The following CTNNA3 variants were observed in gnomAD, a reference collection of about 807,000 sequenced individuals.
CTNNA3 encodes the protein catenin alpha-3.
Under a neutral mutation model 95.7 loss-of-function variants are expected in CTNNA3, and 76 were observed. The observed-to-expected ratio is 0.79, with a 90% confidence interval of 0.66 to 0.96. The LOEUF (loss-of-function observed/expected upper bound fraction) is 0.96, where lower values mean the gene tolerates loss of function less well. Ranked by LOEUF, CTNNA3 falls within the 40% of genes least tolerant of loss-of-function variation. The probability of loss-of-function intolerance (pLI) is 0.00; values close to 1 mark genes in which losing one functional copy is unlikely to be tolerated. For synonymous variants in CTNNA3, 431 were observed against 374.4 expected (o/e 1.15, Z -1.74); for missense variants, 1,191 against 1,089.8 (o/e 1.09, Z -1.31).
chr10:66,427,916 C>A (rs4746586), intron 11 of CTNNA3, among the ~76,000 whole-genome samples: 1 of 151,686 alleles, frequency 6.6e-6, no homozygotes, highest in Non-Finnish European at 1.5e-5. Flanking sequence ...TAACCTTAAA[C>A]GTAAATGGAC....
At chr10:66,323,944 T>C (rs1418785947) in intron 12 of CTNNA3, among the ~76,000 whole-genome samples, 1 of 151,900 alleles carries the variant, frequency 6.6e-6, no homozygotes, top group Non-Finnish European at 1.5e-5. Context: ...GAGAGGAGTT[T>C]AGTGGCTGAA....
At chr10:66,262,362 G>C (rs1442262121) in intron 13 of CTNNA3, among the ~76,000 whole-genome samples, 2 of 151,752 alleles carry the variant, frequency 1.3e-5, no homozygotes, top group Non-Finnish European at 2.9e-5. Context: ...ATAACTATTT[G>C]TTTTCATTTT....
intron 5 of CTNNA3, among the ~76,000 whole-genome samples, chr10:67,474,813 T>G (rs151233732): frequency 6.6e-6 from 1 of 152,214 alleles, no homozygotes; most frequent in African/African-American, 2.4e-5. Context: ...GAAACTCTTA[T>G]TCATTGCTGC....
intron 5 of CTNNA3, among the ~76,000 whole-genome samples, chr10:67,419,620 A>C (rs571316788): frequency 1.2e-4 from 19 of 152,306 alleles, no homozygotes; most frequent in African/African-American, 3.8e-4. Context: ...GCGCTTTCTC[A>C]TATCTCTGAA....
chr10:66,013,502 G>A (rs1643219924), intron 15 of CTNNA3, among the ~76,000 whole-genome samples: 1 of 152,146 alleles, frequency 6.6e-6, no homozygotes, highest in African/African-American at 2.4e-5. Flanking sequence ...AATAACATGT[G>A]TATATTTTGT....
intron 13 of CTNNA3, among the ~76,000 whole-genome samples, chr10:66,253,089 A>G (rs981236920): frequency 6.6e-6 from 1 of 152,220 alleles, no homozygotes; most frequent in Admixed American, 6.5e-5. Flanking sequence ...CTAAAGAGCA[A>G]CATGTCTTCT....
intron 9 of CTNNA3, among the ~76,000 whole-genome samples, chr10:66,765,931 T>C (rs1258850681): frequency 6.6e-6 from 1 of 151,952 alleles, no homozygotes; most frequent in Non-Finnish European, 1.5e-5. Context: ...TACAAAAAGA[T>C]GGCAGAGAAA....
rs1027475022 is a variant in CTNNA3, at chr10:67,521,955, T to C, written c.466A>G (p.Arg156Gly). 1 of 1,609,164 alleles carries C rather than the reference T, an allele frequency of 6.2e-7. No individual in the cohort carries two copies. The highest frequency in any genetic ancestry group is 1.3e-5 in the African/African-American group (1 of 74,776). Residue 156 changes from arginine to glycine, a missense_variant, in exon 5 of 18, where the codon AGG (arginine) becomes GGG (glycine). Transcript: ENST00000433211. Reference protein sequence around the residue: ...CLLQHVSAFQRTFESLKNVAN... With the variant: ...CLLQHVSAFQGTFESLKNVAN... Reference sequence around the variant, plus strand: ...ACATTTTTGAGAGACTCAAATGTCCTTTGAAACTGAAATTGAAAACAAAAG... The same window carrying C: ...ACATTTTTGAGAGACTCAAATGTCCCTTGAAACTGAAATTGAAAACAAAAG...
At position 66,358,834 on chromosome 10, in the gene CTNNA3, A is replaced by G. The variant is rs143912100; in HGVS notation, c.1732+20318T>C. Among the ~76,000 whole-genome samples the G allele has an allele frequency of 3.3e-5, 5 of 152,308 alleles. No homozygotes were observed. In the East Asian group the frequency reaches 9.7e-4, roughly 29 times the overall value. On this transcript the variant is annotated intron_variant, in intron 12 of 17. Transcript: ENST00000433211. ...AAATTTAAATAATGTTTAGATTCCT[A>G]CTTTTGTTCTTACATCTTCTACCTG...
chr10:66,293,059 T>C (rs1371264766), intron 12 of CTNNA3, among the ~76,000 whole-genome samples: 1 of 152,142 alleles, frequency 6.6e-6, no homozygotes, highest in Non-Finnish European at 1.5e-5. Flanking sequence ...TGTATAAGTT[T>C]TGATGATCAC....
intron 9 of CTNNA3, among the ~76,000 whole-genome samples, chr10:66,737,062 C>T (rs1849167117): frequency 6.7e-6 from 1 of 150,046 alleles, no homozygotes; most frequent in African/African-American, 2.5e-5. Flanking sequence ...CCAAAACATT[C>T]ATATCCTCCT....
intron 4 of CTNNA3, among the ~76,000 whole-genome samples, chr10:67,531,975 G>A (rs1367442998): frequency 2.0e-5 from 3 of 152,060 alleles, no homozygotes; most frequent in African/African-American, 7.3e-5. Flanking sequence ...CATGTAAGAT[G>A]TGACTTGCTC....
chr10:66,068,646 C>A lies in CTNNA3; in HGVS notation c.2159+662G>T, dbSNP rs569950285. Reference sequence around the variant, plus strand: ...GTGTACTAGGTCAGCTTCAGTGTATCCTTCTGTACTGTGGCTTTTATAACT... The same window carrying A: ...GTGTACTAGGTCAGCTTCAGTGTATACTTCTGTACTGTGGCTTTTATAACT... On this transcript the variant is annotated intron_variant, in intron 15 of 17. Coordinates refer to ENST00000433211, the MANE Select transcript of CTNNA3 (RefSeq NM_013266.4). Among the ~76,000 whole-genome samples the A allele has an allele frequency of 3.9e-5, 6 of 152,200 alleles. No individual in the cohort carries two copies. In the South Asian group the frequency reaches 1.2e-3, roughly 32 times the overall value.
chr10:66,138,890 G>T (rs1038093260), intron 13 of CTNNA3, among the ~76,000 whole-genome samples: 1 of 152,096 alleles, frequency 6.6e-6, no homozygotes, highest in Non-Finnish European at 1.5e-5. Flanking sequence ...ATAAAAGATG[G>T]ATTGACAATG....
chr10:67,629,638 G>A (rs1286788344), intron 2 of CTNNA3, among the ~76,000 whole-genome samples: 3 of 152,200 alleles, frequency 2.0e-5, no homozygotes, highest in African/African-American at 7.2e-5. Flanking sequence ...GGTAGAGTAG[G>A]AGGCCAGGGA....
chr10:66,304,152 C>T (rs1345095253), intron 12 of CTNNA3, among the ~76,000 whole-genome samples: 1 of 151,986 alleles, frequency 6.6e-6, no homozygotes, highest in Admixed American at 6.6e-5. Context: ...GGGGAAGAAG[C>T]TCAATCTCAT....
intron 15 of CTNNA3, among the ~76,000 whole-genome samples, chr10:65,999,303 G>C (rs1488721400): frequency 1.3e-5 from 2 of 152,152 alleles, no homozygotes; most frequent in East Asian, 3.9e-4. Flanking sequence ...GACAAAGATT[G>C]TTTCTAAGGA....
At chr10:67,502,024 T>G (rs541024134) in intron 5 of CTNNA3, among the ~76,000 whole-genome samples, 105 of 152,312 alleles carry the variant, frequency 6.9e-4, no homozygotes, top group African/African-American at 2.3e-3. Context: ...AGAGTTGTGA[T>G]CCTTTGAAGG....
At chr10:66,691,417 A>C (rs1165119256) in intron 9 of CTNNA3, among the ~76,000 whole-genome samples, 1 of 152,184 alleles carries the variant, frequency 6.6e-6, no homozygotes, top group East Asian at 1.9e-4. Flanking sequence ...AGGGGCACCC[A>C]CCATTGCCCA....
Sources: gnomAD v4.1 joint callset for allele counts (sites outside exome capture counted in the v4.1 genomes callset) on GRCh38, gnomAD v4.1.1 for gene constraint, MANE v1.5 for transcripts, NCBI Gene and HGNC (gene_info 2026-07-23, HGNC 2026-07-21) for gene names.